Variants in DMD observed in about 807,000 individuals in gnomAD.
DMD encodes the protein mutant dystrophin.
Under a neutral mutation model 330.1 loss-of-function variants are expected in DMD, and 63 were observed. The observed-to-expected ratio is 0.19, with a 90% CI of 0.16 to 0.24. DMD has a LOEUF of 0.24. Ranked by LOEUF, DMD falls within the 10% of genes least tolerant of loss-of-function variation. The probability of loss-of-function intolerance (pLI) is 1.00; values close to 1 mark genes in which losing one functional copy is unlikely to be tolerated. For missense variants in DMD, 3,344 were observed against 2,684.1 expected, an observed-to-expected ratio of 1.25 and a Z score of -5.43; for synonymous variants, 1,223 against 959.8, an observed-to-expected ratio of 1.27 and a Z score of -5.07.
chrX:31,802,574 T>G (rs1236295195), intron 50 of DMD, among the ~76,000 whole-genome samples: 3 of 111,584 alleles, frequency 2.7e-5, no homozygotes, highest in Non-Finnish European at 5.6e-5. Context: ...TAGTGGTGGA[T>G]GTCCAGCAGG....
At chrX:33,206,607 T>C (rs1168592482) in intron 1 of DMD, among the ~76,000 whole-genome samples, 1 of 111,936 alleles carries the variant, frequency 8.9e-6, no homozygotes, top group African/African-American at 3.2e-5. Context: ...TTACATATAC[T>C]ACGCAAAGTC....
chrX:32,699,921 T>C (rs188206996), intron 7 of DMD, among the ~76,000 whole-genome samples: 1 of 112,206 alleles, frequency 8.9e-6, no homozygotes, highest in East Asian at 2.8e-4. Context: ...GAATATCACT[T>C]TCCTTCTCAG....
At chrX:31,744,797 G>T (rs2087685243) in intron 51 of DMD, among the ~76,000 whole-genome samples, 3 of 112,221 alleles carry the variant, frequency 2.7e-5, no homozygotes, top group African/African-American at 9.7e-5. Context: ...AGGTAATTAA[G>T]CTTTGGTCAA....
At chrX:31,677,265 C>G (rs991671556) in intron 53 of DMD, among the ~76,000 whole-genome samples, 1 of 111,211 alleles carries the variant, frequency 9.0e-6, no homozygotes. Flanking sequence ...AAACCCTAAC[C>G]ATTCTTACCA....
chrX:32,793,679 G>C (rs1184175294), intron 7 of DMD, among the ~76,000 whole-genome samples: 1 of 111,561 alleles, frequency 9.0e-6, no homozygotes, highest in African/African-American at 3.3e-5. Flanking sequence ...TAAATTCCCG[G>C]ACACATACAA....
At chrX:31,481,264 C>T (rs1055664785) in intron 57 of DMD, among the ~76,000 whole-genome samples, 3 of 112,257 alleles carry the variant, frequency 2.7e-5, no homozygotes, top group Non-Finnish European at 5.6e-5. Context: ...AACCTTTGAA[C>T]GGTTTTAACC....
intron 17 of DMD, among the ~76,000 whole-genome samples, chrX:32,523,349 G>C (rs1221586584): frequency 1.8e-5 from 2 of 111,580 alleles, no homozygotes; most frequent in Non-Finnish European, 3.8e-5. Flanking sequence ...GTAGGTCATA[G>C]AAACCAAAAA....
chrX:32,775,625 T>G (rs1024188505), intron 7 of DMD, among the ~76,000 whole-genome samples: 2 of 113,044 alleles, frequency 1.8e-5, no homozygotes, highest in African/African-American at 6.4e-5. Flanking sequence ...CTGAAGCAGC[T>G]AGGACACAGG....
intron 44 of DMD, among the ~76,000 whole-genome samples, chrX:32,200,057 G>A (rs2097027126): frequency 9.0e-6 from 1 of 110,826 alleles, no homozygotes; most frequent in Admixed American, 9.7e-5. Flanking sequence ...TAAAAGCCTG[G>A]AGAAAATTTA....
intron 41 of DMD, among the ~76,000 whole-genome samples, chrX:32,340,183 T>A (rs769292619): frequency 1.8e-5 from 2 of 111,818 alleles, no homozygotes; most frequent in South Asian, 7.5e-4. Flanking sequence ...TCAGTTCTAA[T>A]TAAAATACGA....
At chrX:31,776,126 T>C (rs949840879) in intron 50 of DMD, among the ~76,000 whole-genome samples, 19 of 111,391 alleles carry the variant, frequency 1.7e-4, no homozygotes, top group Admixed American at 1.4e-3. Flanking sequence ...TAAAAGGGAT[T>C]CCAGGAAAGG....
At chrX:31,220,512 C>A (rs2045892982) in intron 64 of DMD, among the ~76,000 whole-genome samples, 1 of 111,546 alleles carries the variant, frequency 9.0e-6, no homozygotes, top group South Asian at 3.8e-4. Flanking sequence ...GCATCATAAC[C>A]TCTTGGAATT....
chrX:31,633,288 T>C (rs371556772), intron 54 of DMD, among the ~76,000 whole-genome samples: 4 of 112,056 alleles, frequency 3.6e-5, no homozygotes, highest in East Asian at 2.8e-4. Flanking sequence ...TCCATTTTTC[T>C]ACCTACCTTC....
intron 1 of DMD, among the ~76,000 whole-genome samples, chrX:33,086,822 T>C (rs1476053188): frequency 1.8e-5 from 2 of 108,544 alleles, no homozygotes; most frequent in African/African-American, 3.3e-5. Flanking sequence ...TATATATACA[T>C]AGAGAGCGAT....
chrX:33,031,627 C>T (rs986149243), intron 1 of DMD, among the ~76,000 whole-genome samples: 10 of 110,718 alleles, frequency 9.0e-5, no homozygotes, highest in Non-Finnish European at 9.4e-5. Context: ...AAAGATTAGC[C>T]GGGCGTGGTG....
intron 43 of DMD, among the ~76,000 whole-genome samples, chrX:32,249,223 G>GT (rs2097253750): frequency 9.0e-6 from 1 of 111,617 alleles, no homozygotes; most frequent in Non-Finnish European, 1.9e-5. Flanking sequence ...CATATGTTTT[G>GT]TTTTCATCAA....
At chrX:32,695,481 G>A (rs1170167614) in intron 9 of DMD, among the ~76,000 whole-genome samples, 1 of 111,329 alleles carries the variant, frequency 9.0e-6, no homozygotes, top group East Asian at 2.8e-4. Flanking sequence ...AGGCAGTTTA[G>A]GAGAGTAGCC....
chrX:33,336,535 AAAT>A (rs1296171273), intron 1 of DMD, among the ~76,000 whole-genome samples: 1 of 111,078 alleles, frequency 9.0e-6, no homozygotes, highest in East Asian at 2.8e-4. Context: ...TTTACTTAAA[AAAT>A]AATGATGCTC....
At chrX:33,187,393 T>C (rs1007255700) in intron 1 of DMD, among the ~76,000 whole-genome samples, 2 of 112,736 alleles carry the variant, frequency 1.8e-5, no homozygotes, top group African/African-American at 6.4e-5. Flanking sequence ...AGTAAATAAG[T>C]AATTTCTATA....
Sources: gnomAD v4.1 joint callset for allele counts (sites outside exome capture counted in the v4.1 genomes callset) on GRCh38, gnomAD v4.1.1 for gene constraint, MANE v1.5 for transcripts, NCBI Gene and HGNC (gene_info 2026-07-23, HGNC 2026-07-21) for gene names.